The following CORO2A variants were observed in gnomAD, a reference collection of about 807,000 sequenced individuals.
The protein encoded by CORO2A is coronin-2A.
CORO2A carries 47 observed loss-of-function variants against 62.4 expected under a neutral mutation model. That is an observed-to-expected ratio of 0.75 (90% CI 0.60 to 0.96). CORO2A has a LOEUF of 0.96. CORO2A is among the 40% of genes least tolerant of loss of function. CORO2A has a pLI of 0.00. For missense variants in CORO2A, 610 were observed against 684.1 expected, an observed-to-expected ratio of 0.89 and a Z score of 1.21; for synonymous variants, 273 against 268.9, an observed-to-expected ratio of 1.02 and a Z score of -0.15.
intron 1 of CORO2A, among the ~76,000 whole-genome samples, chr9:98,179,929 G>C (rs1828155376): frequency 6.6e-6 from 1 of 152,096 alleles, no homozygotes; most frequent in South Asian, 2.1e-4. Flanking sequence ...CTTGAACCTG[G>C]GAGGCGGAGG....
rs61124973 is a variant in CORO2A at position 98,163,743 on chromosome 9, A to ATGTGTGTGTGT, written c.1-6084_1-6083insACACACACACA. Among the ~76,000 whole-genome samples the ATGTGTGTGTGT allele has an allele frequency of 3.6e-3, 407 of 112,604 alleles. 3 individuals carry two copies. Among genetic ancestry groups the ATGTGTGTGTGT allele is most frequent in the African/African-American group, 0.013 (387 of 30,454 alleles). The allele number at this position is 112,604 out of a possible 152,430, so 73.9% of individuals were successfully genotyped here. On this transcript the variant is annotated intron_variant, in intron 1 of 11. Coordinates refer to ENST00000375077, the MANE Select transcript of CORO2A (RefSeq NM_052820.4). Reference sequence around the variant, plus strand: ...GTGTGTGTGTGTATGTGTGTGTGTGAGAGAGAGAGAGAGAGAGAGAGAGAG... The same window carrying ATGTGTGTGTGT: ...GTGTGTGTGTGTATGTGTGTGTGTGATGTGTGTGTGTGAGAGAGAGAGAGAGAGAGAGAGAG...
intron 2 of CORO2A, among the ~76,000 whole-genome samples, chr9:98,146,722 C>G (rs1250034422): frequency 6.6e-6 from 1 of 152,192 alleles, no homozygotes; most frequent in Admixed American, 6.5e-5. Context: ...AGGCCACACC[C>G]AGGTCTGGGC....
At chr9:98,145,337 G>T (rs113243731) in intron 2 of CORO2A, among the ~76,000 whole-genome samples, 109 of 152,302 alleles carry the variant, frequency 7.2e-4, no homozygotes, top group Middle Eastern at 3.4e-3. Context: ...TGGTCCTGGC[G>T]TTGTCCTTTG....
At chr9:98,156,125 A>C (rs987879899) in intron 2 of CORO2A, among the ~76,000 whole-genome samples, 2 of 145,680 alleles carry the variant, frequency 1.4e-5, no homozygotes, top group African/African-American at 2.5e-5. Context: ...AGCATGGCTC[A>C]CAACTTCCCT....
chr9:98,134,832 GGAT>G lies in CORO2A; in HGVS notation c.439_441del (p.Ile147del), dbSNP rs1292882228. ...TTGTAGTCATAGCCAGCACTGAAGA[GGAT>G]GTTGGCGGCCGTGGGGTGCCACTCC... On this transcript the variant is annotated inframe_deletion, in exon 4 of 12. Transcript: ENST00000375077. 2 of 1,613,760 alleles carry G rather than the reference GGAT, an allele frequency of 1.2e-6. No individual in the cohort carries two copies. Among genetic ancestry groups the G allele is most frequent in the Non-Finnish European group, 8.5e-7 (1 of 1,179,882 alleles).
At chr9:98,167,939 C>T (rs1236724806) in intron 1 of CORO2A, among the ~76,000 whole-genome samples, 3 of 152,144 alleles carry the variant, frequency 2.0e-5, no homozygotes, top group Non-Finnish European at 4.4e-5. Flanking sequence ...TTGAATCTTT[C>T]CTTTAATTTT....
intron 1 of CORO2A, among the ~76,000 whole-genome samples, chr9:98,167,865 T>C (rs1039513595): frequency 3.3e-5 from 5 of 152,192 alleles, no homozygotes; most frequent in South Asian, 2.1e-4. Flanking sequence ...AGGGAATGAG[T>C]GCGTAGAGAT....
At chr9:98,191,797 C>T (rs1441792131) in intron 1 of CORO2A, among the ~76,000 whole-genome samples, 1 of 152,230 alleles carries the variant, frequency 6.6e-6, no homozygotes, top group Non-Finnish European at 1.5e-5. Context: ...GCCAGTCACC[C>T]CTTGTCACAC....
chr9:98,136,636 C>G (rs1292536913), intron 3 of CORO2A, among the ~76,000 whole-genome samples: 2 of 152,244 alleles, frequency 1.3e-5, no homozygotes, highest in Non-Finnish European at 2.9e-5. Context: ...AGGCCTCAGT[C>G]TGAAGTCTTG....
At chr9:98,154,327 G>GTGTATATATATATATA in intron 2 of CORO2A, among the ~76,000 whole-genome samples, 1 of 93,288 alleles carries the variant, frequency 1.1e-5, no homozygotes, top group African/African-American at 4.0e-5. Context: ...ATGTGTTTGT[G>GTGTATATATATATATA]TGTATATATA....
intron 1 of CORO2A, among the ~76,000 whole-genome samples, chr9:98,171,690 G>A (rs1007917238): frequency 2.6e-5 from 4 of 152,076 alleles, no homozygotes; most frequent in Admixed American, 2.6e-4. Context: ...GGAGGCATGG[G>A]GTGGAAGGCG....
chr9:98,185,767 G>A (rs1828231695), intron 1 of CORO2A, among the ~76,000 whole-genome samples: 2 of 152,216 alleles, frequency 1.3e-5, no homozygotes, highest in Non-Finnish European at 2.9e-5. Flanking sequence ...CCTGTGGCTG[G>A]GGCCGTTATG....
At chr9:98,163,034 C>T (rs1330381840) in intron 1 of CORO2A, among the ~76,000 whole-genome samples, 1 of 152,238 alleles carries the variant, frequency 6.6e-6, no homozygotes, top group Non-Finnish European at 1.5e-5. Context: ...GGACAGCCTG[C>T]TGGGCACAAG....
chr9:98,174,322 T>C (rs771405269), intron 1 of CORO2A, among the ~76,000 whole-genome samples: 6 of 152,162 alleles, frequency 3.9e-5, no homozygotes, highest in Non-Finnish European at 8.8e-5. Flanking sequence ...TGTTCATTCA[T>C]ATAAAGTGCC....
At chr9:98,137,212 T>C (rs1297764665) in intron 3 of CORO2A, among the ~76,000 whole-genome samples, 1 of 152,198 alleles carries the variant, frequency 6.6e-6, no homozygotes, top group African/African-American at 2.4e-5. Flanking sequence ...ACTATGGGAT[T>C]AAGTGGAACA....
chr9:98,143,845 T>C (rs1029635323), intron 2 of CORO2A, among the ~76,000 whole-genome samples: 18 of 152,184 alleles, frequency 1.2e-4, no homozygotes, highest in Admixed American at 6.5e-5. Context: ...AGTGGCTTGA[T>C]TGTTTTCCTA....
At position 98,134,833 on chromosome 9, in the gene CORO2A, G is replaced by C. The variant is rs990666283; in HGVS notation, c.441C>G (p.Ile147Met). 6.2e-6 allele frequency: 10 copies of C among 1,613,756 alleles called. No homozygotes were observed. The highest frequency in any genetic ancestry group is 8.5e-6 in the Non-Finnish European group (10 of 1,179,884). The change falls in exon 4 of 12, where the codon ATC becomes ATG. Residue 147 changes from isoleucine to methionine, a missense_variant. Ile to Met is a conservative substitution (Grantham distance 10, BLOSUM62 1). Transcript: ENST00000375077. ...LVEWHPTAAN[I>M]LFSAGYDYKV... Reference sequence around the variant, plus strand: ...TGTAGTCATAGCCAGCACTGAAGAGGATGTTGGCGGCCGTGGGGTGCCACT... The same window carrying C: ...TGTAGTCATAGCCAGCACTGAAGAGCATGTTGGCGGCCGTGGGGTGCCACT...
intron 1 of CORO2A, among the ~76,000 whole-genome samples, chr9:98,168,689 C>A (rs1430493263): frequency 2.0e-5 from 3 of 152,170 alleles, no homozygotes; most frequent in Non-Finnish European, 4.4e-5. Context: ...TTGTTGTGGT[C>A]CCAATGTGTA....
chr9:98,140,103 C>G (rs373087105), intron 2 of CORO2A, among the ~76,000 whole-genome samples: 47 of 152,260 alleles, frequency 3.1e-4, no homozygotes, highest in African/African-American at 1.0e-3. Context: ...GGACCAGGAC[C>G]CAGGCCCTCG....
Sources: allele counts gnomAD v4.1 joint callset (sites outside exome capture counted in the v4.1 genomes callset), GRCh38; gene constraint gnomAD v4.1.1; transcripts MANE v1.5; gene names NCBI Gene and HGNC (gene_info 2026-07-23, HGNC 2026-07-21).